MTF2: variants seen among roughly 807,000 people sequenced by gnomAD.
The protein encoded by MTF2 is metal-response element-binding transcription factor 2.
In MTF2, 11 loss-of-function variants were observed where a neutral mutation model predicts 79.5. The observed-to-expected ratio is 0.14, with a 90% confidence interval of 0.09 to 0.23. MTF2 has a LOEUF of 0.23. Ranked by LOEUF, MTF2 falls within the 10% of genes least tolerant of loss-of-function variation. MTF2 has a pLI of 1.00. For missense variants in MTF2, 486 were observed against 711.2 expected, an observed-to-expected ratio of 0.68 and a Z score of 3.60; for synonymous variants, 208 against 232.8, an observed-to-expected ratio of 0.89 and a Z score of 0.97.
At chr1:93,128,606 T>G (rs1332469682) in intron 10 of MTF2, among the ~76,000 whole-genome samples, 1 of 149,908 alleles carries the variant, frequency 6.7e-6, no homozygotes, top group Non-Finnish European at 1.5e-5. Flanking sequence ...TCTAAACAAC[T>G]GATGGAGGTT....
intron 1 of MTF2, among the ~76,000 whole-genome samples, chr1:93,102,892 AAGGCCG>A (rs1318144065): frequency 3.9e-5 from 6 of 152,190 alleles, no homozygotes; most frequent in Admixed American, 2.0e-4. Context: ...AGCACTTTGG[AAGGCCG>A]AGGCGGGCAA....
rs115117332 is a variant in MTF2, at chr1:93,084,798, G to A, written c.5+5267G>A. ...GTAGGAGGATTGCTTGAGCTTAGGA[G>A]TTTGAGACTTCAGTGAACTATGAGA... is the stretch of plus-strand genomic sequence containing the variant. On this transcript the variant is annotated intron_variant, in intron 1 of 14. Transcript: ENST00000370298. Among the ~76,000 whole-genome samples the A allele has an allele frequency of 2.3e-3, 347 of 152,288 alleles. 1 individual carries two copies. Among genetic ancestry groups the A allele is most frequent in the South Asian group, 9.9e-3 (48 of 4,826 alleles).
In MTF2 at chr1:93,118,431, T is replaced by C; in HGVS notation, c.719T>C (p.Phe240Ser). 6.3e-7 allele frequency: 1 copy of C among 1,597,280 alleles called. No homozygotes were observed. The highest frequency in any genetic ancestry group is 8.5e-7 in the Non-Finnish European group (1 of 1,171,160). The change falls in exon 7 of 15, where the codon TTT becomes TCT. Residue 240 changes from phenylalanine (F) to serine (S), a missense_variant. Physicochemically the swap from Phe to Ser is radical, Grantham distance 155. Around this residue, in one of 4 missense-constraint regions of MTF2, gnomAD observed 177 missense variants for 364.0 expected, o/e 0.49. Transcript: ENST00000370298. ...CVQCLQKPMLFGDRFYTFICS... is the reference protein window; with the variant it reads ...CVQCLQKPMLSGDRFYTFICS... Reference sequence around the variant, plus strand: ...CAATGCCTTCAAAAGCCAATGCTATTTGGAGACAGGTGAGAAGGGCATTTG... The same window carrying C: ...CAATGCCTTCAAAAGCCAATGCTATCTGGAGACAGGTGAGAAGGGCATTTG...
chr1:93,112,571 C>T (rs1656072770), intron 3 of MTF2, among the ~76,000 whole-genome samples: 1 of 152,056 alleles, frequency 6.6e-6, no homozygotes, highest in African/African-American at 2.4e-5. Flanking sequence ...GCATTAAATG[C>T]AGAAGTTTAT....
At chr1:93,134,556 A>C (rs1647295500) in intron 14 of MTF2, 1 of 181,938 alleles carries the variant, frequency 5.5e-6, no homozygotes, top group African/African-American at 2.4e-5. Flanking sequence ...ACAGATTCTC[A>C]CTCTGTTGCC....
At position 93,133,711 on chromosome 1, in the gene MTF2, G is replaced by C; in HGVS notation, c.1169G>C (p.Ser390Thr). The C allele has an allele frequency of 6.2e-7, 1 of 1,608,666 alleles. No individual in the cohort carries two copies. Among genetic ancestry groups the C allele is most frequent in the Non-Finnish European group, 8.5e-7 (1 of 1,177,384 alleles). Reference sequence around the variant, plus strand: ...ATGGTTTTCCATTTCAGGGAAGTAAGCAATGGCATAGAAAAAAAAGGAAAG... The same window carrying C: ...ATGGTTTTCCATTTCAGGGAAGTAACCAATGGCATAGAAAAAAAAGGAAAG... ...SKPISDSREV[S>T]NGIEKKGKKK... Residue 390 changes from serine (S) to threonine (T), a missense_variant, in exon 12 of 15, where the codon AGC (serine) becomes ACC (threonine). Transcript: ENST00000370298.
intron 1 of MTF2, among the ~76,000 whole-genome samples, chr1:93,108,162 ATAT>A (rs1421500071): frequency 6.6e-6 from 1 of 152,110 alleles, no homozygotes; most frequent in African/African-American, 2.4e-5. Context: ...ACATTTCTAT[ATAT>A]TATGGGTCTA....
chr1:93,109,838 G>A (rs1280012898), intron 1 of MTF2, among the ~76,000 whole-genome samples: 2 of 152,198 alleles, frequency 1.3e-5, no homozygotes, highest in Non-Finnish European at 2.9e-5. Context: ...TTAACTGCAT[G>A]TGGCATAATC....
chr1:93,121,512 T>C (rs575748292), intron 9 of MTF2: 2 of 985,012 alleles, frequency 2.0e-6, no homozygotes, highest in Admixed American at 1.2e-4. Context: ...ATTTCTTGAT[T>C]TGTAGCTTTG....
chr1:93,100,639 C>T (rs1655493554), intron 1 of MTF2, among the ~76,000 whole-genome samples: 1 of 152,172 alleles, frequency 6.6e-6, no homozygotes, highest in South Asian at 2.1e-4. Flanking sequence ...AGGAGTAGAG[C>T]TGGCCTTTAA....
At chr1:93,134,456 G>C (rs1647292428) in intron 14 of MTF2, 1 of 383,252 alleles carries the variant, frequency 2.6e-6, no homozygotes, top group Non-Finnish European at 4.7e-6. Context: ...CCATTGTTTA[G>C]AAGCTGTGCT....
intron 14 of MTF2, among the ~76,000 whole-genome samples, chr1:93,135,642 C>T (rs1647358580): frequency 6.6e-6 from 1 of 152,090 alleles, no homozygotes; most frequent in African/African-American, 2.4e-5. Flanking sequence ...AGATGAGACC[C>T]CATCCCTACA....
At chr1:93,131,496 G>C (rs1479420814) in intron 11 of MTF2, among the ~76,000 whole-genome samples, 1 of 152,120 alleles carries the variant, frequency 6.6e-6, no homozygotes, top group East Asian at 1.9e-4. Flanking sequence ...GCGTATCAGG[G>C]ACACAGGCAG....
intron 10 of MTF2, among the ~76,000 whole-genome samples, chr1:93,128,489 A>G (rs945044563): frequency 4.0e-5 from 6 of 150,388 alleles, no homozygotes; most frequent in Non-Finnish European, 5.9e-5. Context: ...CCCGGGAGGT[A>G]GAAGTTGCAG....
intron 1 of MTF2, among the ~76,000 whole-genome samples, chr1:93,085,677 G>A (rs1382386366): frequency 6.6e-6 from 1 of 151,892 alleles, no homozygotes; most frequent in Non-Finnish European, 1.5e-5. Flanking sequence ...CTGTAGAAAC[G>A]GGGTCTTGGT....
At chr1:93,104,571 C>T (rs1224773637) in intron 1 of MTF2, among the ~76,000 whole-genome samples, 2 of 150,266 alleles carry the variant, frequency 1.3e-5, no homozygotes, top group African/African-American at 2.5e-5. Context: ...CCCAGCTATC[C>T]GGGAGGCTGA....
intron 11 of MTF2, among the ~76,000 whole-genome samples, chr1:93,132,907 G>A (rs1445968961): frequency 6.6e-6 from 1 of 151,922 alleles, no homozygotes; most frequent in Non-Finnish European, 1.5e-5. Context: ...GAACACCTTT[G>A]TATCCATATT....
chr1:93,124,099 T>C (rs977175912), intron 9 of MTF2, among the ~76,000 whole-genome samples: 1 of 152,108 alleles, frequency 6.6e-6, no homozygotes, highest in Non-Finnish European at 1.5e-5. Flanking sequence ...AGGATTGTTA[T>C]GAAGAGAAGA....
Position 93,098,010 on chromosome 1 carries a change from G to A in MTF2, c.6-12220G>A, listed in dbSNP as rs527689983. ...TGAGAATCGATGTGTGCCAGGTACA[G>A]GGGATATATAAGAGTAAATAAGACA... On this transcript the variant is annotated intron_variant, in intron 1 of 14. Coordinates refer to ENST00000370298, the MANE Select transcript of MTF2 (RefSeq NM_007358.4). Among the ~76,000 whole-genome samples, 18 of 152,294 alleles carry A rather than the reference G, an allele frequency of 1.2e-4. No homozygotes were observed. In the South Asian group the frequency reaches 3.7e-3, roughly 32 times the overall value.
Sources: gnomAD v4.1 joint callset for allele counts (sites outside exome capture counted in the v4.1 genomes callset) on GRCh38, gnomAD v4.1.1 for gene constraint, gnomAD v4.1.1 regional missense constraint, MANE v1.5 for transcripts, NCBI Gene and HGNC (gene_info 2026-07-23, HGNC 2026-07-21) for gene names.